The following CPXM2 variants were observed in gnomAD, a reference collection of about 807,000 sequenced individuals.
CPXM2 encodes the protein carboxypeptidase X, M14 family member 2, also known as inactive carboxypeptidase-like protein X2.
In CPXM2, 66 loss-of-function variants were observed where a neutral mutation model predicts 86.1. The ratio of observed to expected loss-of-function variants is 0.77; its 90% CI spans 0.63 to 0.94. CPXM2 has a LOEUF of 0.94. Ranked by LOEUF, CPXM2 falls within the 40% of genes least tolerant of loss-of-function variation. The probability of loss-of-function intolerance (pLI) is 0.00; values close to 1 mark genes in which losing one functional copy is unlikely to be tolerated. For synonymous variants in CPXM2, 388 were observed against 400.2 expected, an observed-to-expected ratio of 0.97 and a Z score of 0.36; for missense variants, 948 against 1,026.3, an observed-to-expected ratio of 0.92 and a Z score of 1.04.
At chr10:123,901,834 A>G (rs1945384590) in intron 2 of CPXM2, among the ~76,000 whole-genome samples, 1 of 152,136 alleles carries the variant, frequency 6.6e-6, no homozygotes, top group Non-Finnish European at 1.5e-5. Context: ...TCAACCAATC[A>G]AGGCTCAGCT....
chr10:123,917,659 C>G (rs1363903810), intron 2 of CPXM2, among the ~76,000 whole-genome samples: 1 of 152,162 alleles, frequency 6.6e-6, no homozygotes, highest in African/African-American at 2.4e-5. Flanking sequence ...ACAGAAGTAG[C>G]AAGTTGATGA....
At chr10:123,794,485 A>C (rs997402337) in intron 6 of CPXM2, among the ~76,000 whole-genome samples, 11 of 152,194 alleles carry the variant, frequency 7.2e-5, no homozygotes, top group Admixed American at 5.9e-4. Flanking sequence ...CATGTAATGC[A>C]GTGCTGTTTG....
chr10:123,941,016 A>G (rs954522664), upstream of CPXM2, among the ~76,000 whole-genome samples: 3 of 112,546 alleles, frequency 2.7e-5, no homozygotes, highest in African/African-American at 8.2e-5. Flanking sequence ...CTAAAAATAC[A>G]AAAGATTAGC....
At chr10:123,912,660 G>A (rs780649669) in intron 2 of CPXM2, among the ~76,000 whole-genome samples, 9 of 152,158 alleles carry the variant, frequency 5.9e-5, no homozygotes, top group Non-Finnish European at 8.8e-5. Context: ...ACTGAAACAC[G>A]CCCAGCCCTC....
intron 2 of CPXM2, among the ~76,000 whole-genome samples, chr10:123,930,794 T>C (rs1035301196): frequency 6.6e-6 from 1 of 152,232 alleles, no homozygotes; most frequent in African/African-American, 2.4e-5. Context: ...CATGATGGCG[T>C]TTCCTGACAT....
Position 123,761,843 on chromosome 10 carries a change from AGCCCACTCTCCCCCAGAGGGAG to A in CPXM2, c.1777+7_1777+28del. 1.2e-6 allele frequency: 2 copies of A among 1,605,240 alleles called. No individual in the cohort carries two copies. Among genetic ancestry groups the A allele is most frequent in the Non-Finnish European group, 1.7e-6 (2 of 1,176,422 alleles). On this transcript the variant is annotated splice_region_variant and intron_variant, in intron 11 of 13. Transcript: ENST00000241305. Reference sequence around the variant, plus strand: ...CCCTGCAGCGTCCTCCTGCGCCCGCAGCCCACTCTCCCCCAGAGGGAGGCTTACTTCCAGCGACGGTGTGCCA... The same window carrying A: ...CCCTGCAGCGTCCTCCTGCGCCCGCAGCTTACTTCCAGCGACGGTGTGCCA...
rs1377633316 is a variant in CPXM2, at chr10:123,780,145, G to A, written c.978+22C>T. 50 of 1,487,310 alleles carry A rather than the reference G, an allele frequency of 3.4e-5. No homozygotes were observed. In the Admixed American group the frequency reaches 8.4e-4, roughly 25 times the overall value. The allele number at this position is 1,487,310 out of a possible 1,614,324, so 92.1% of individuals were successfully genotyped here. On this transcript the variant is annotated intron_variant, in intron 7 of 13. Coordinates refer to ENST00000241305, the MANE Select transcript of CPXM2 (RefSeq NM_198148.3). Reference sequence around the variant, plus strand: ...CTTTTTTGACAAATTCCTGGCATGAGGCTTTGTGATCTGGGTCTTACCTGG... The same window carrying A: ...CTTTTTTGACAAATTCCTGGCATGAAGCTTTGTGATCTGGGTCTTACCTGG...
intron 3 of CPXM2, among the ~76,000 whole-genome samples, chr10:123,843,091 A>G (rs528042344): frequency 1.2e-4 from 18 of 152,090 alleles, no homozygotes; most frequent in Non-Finnish European, 2.5e-4. Context: ...TGATGTGTTC[A>G]GTATCAGCTG....
chr10:123,934,079 G>T (rs1412270372), intron 2 of CPXM2, among the ~76,000 whole-genome samples: 2 of 152,098 alleles, frequency 1.3e-5, no homozygotes, highest in Non-Finnish European at 2.9e-5. Context: ...GTAATGTTGG[G>T]GTCAAGGAAG....
At chr10:123,752,290 G>A (rs1484904742) in intron 13 of CPXM2, 12 of 985,078 alleles carry the variant, frequency 1.2e-5, no homozygotes, top group Middle Eastern at 1.0e-3. Context: ...GGGCTACTAC[G>A]TACAAAATTC....
chr10:123,751,180 T>A, intron 13 of CPXM2: 1 of 352,634 alleles, frequency 2.8e-6, no homozygotes, highest in Non-Finnish European at 4.0e-6. Flanking sequence ...TTAGCGCCAC[T>A]GACGAGAGTG....
At chr10:123,750,426 C>T (rs1225266266) in intron 13 of CPXM2, 1 of 981,422 alleles carries the variant, frequency 1.0e-6, no homozygotes, top group African/African-American at 1.7e-5. Flanking sequence ...TTTGCAATTA[C>T]TGTTCCCTCC....
rs1847307293 is a variant in CPXM2, at chr10:123,795,253, C to T, written c.889+2723G>A. On this transcript the variant is annotated intron_variant, in intron 6 of 13. Transcript: ENST00000241305. ...CCACTCAACAACAACTCTCCATTTT[C>T]TTTGACTTTTGAGCTTTAAAAATTC... Among the ~76,000 whole-genome samples the T allele has an allele frequency of 1.3e-5, 2 of 152,160 alleles. 1 individual carries two copies. Among genetic ancestry groups the T allele is most frequent in the South Asian group, 4.1e-4 (2 of 4,828 alleles).
chr10:123,827,689 T>C (rs536318561), intron 4 of CPXM2, among the ~76,000 whole-genome samples: 1 of 152,360 alleles, frequency 6.6e-6, no homozygotes, highest in African/African-American at 2.4e-5. Context: ...CCTAGTAAGA[T>C]GTTTTTGTAG....
chr10:123,839,087 C>T (rs150753288), intron 4 of CPXM2, among the ~76,000 whole-genome samples: 3 of 152,326 alleles, frequency 2.0e-5, no homozygotes, highest in African/African-American at 4.8e-5. Context: ...AACCCAAAGA[C>T]GTGTGGCAGG....
At chr10:123,771,582 A>G (rs1279928596) in intron 7 of CPXM2, among the ~76,000 whole-genome samples, 1 of 152,028 alleles carries the variant, frequency 6.6e-6, no homozygotes, top group East Asian at 1.9e-4. Context: ...CACCTCTAGA[A>G]CTCTGAATAG....
At chr10:123,888,114 T>C (rs1945209350) in intron 1 of CPXM2, among the ~76,000 whole-genome samples, 1 of 152,078 alleles carries the variant, frequency 6.6e-6, no homozygotes, top group Non-Finnish European at 1.5e-5. Context: ...CACATCAAGA[T>C]CAAATCCCCA....
upstream of CPXM2, among the ~76,000 whole-genome samples, chr10:123,942,001 T>C (rs1945782111): frequency 6.6e-6 from 1 of 152,244 alleles, no homozygotes; most frequent in South Asian, 2.1e-4. Context: ...GTGTCCTATC[T>C]ATGCACCCCT....
intron 6 of CPXM2, among the ~76,000 whole-genome samples, chr10:123,782,691 T>G (rs780210987): frequency 9.2e-5 from 14 of 152,214 alleles, no homozygotes; most frequent in Non-Finnish European, 7.3e-5. Flanking sequence ...CTAAGCCTGC[T>G]ATCCCCTGCT....
Sources: allele counts gnomAD v4.1 joint callset (sites outside exome capture counted in the v4.1 genomes callset), GRCh38; gene constraint gnomAD v4.1.1; transcripts MANE v1.5; gene names NCBI Gene and HGNC (gene_info 2026-07-23, HGNC 2026-07-21).